Variants in AUTS2 observed in about 807,000 individuals in gnomAD.
The protein encoded by AUTS2 is activator of transcription and developmental regulator AUTS2, also known as autism susceptibility gene 2 protein.
In AUTS2, 17 loss-of-function variants were observed where a neutral mutation model predicts 112.4. The observed-to-expected ratio is 0.15, with a 90% confidence interval of 0.10 to 0.23. The LOEUF (loss-of-function observed/expected upper bound fraction) is 0.23. AUTS2 is among the 10% of genes least tolerant of loss of function. The pLI is 1.00. For missense variants in AUTS2, 1,510 were observed against 1,701.6 expected (o/e 0.89, Z 1.98); for synonymous variants, 751 against 702.7 (o/e 1.07, Z -1.09).
At chr7:69,644,120 C>T (rs1342001560) in intron 1 of AUTS2, among the ~76,000 whole-genome samples, 1 of 152,278 alleles carries the variant, frequency 6.6e-6, no homozygotes, top group East Asian at 1.9e-4. Context: ...GTTTAAGTCA[C>T]CCAGTCTTTG....
chr7:70,229,970 T>C (rs1811959035), intron 4 of AUTS2, among the ~76,000 whole-genome samples: 2 of 152,338 alleles, frequency 1.3e-5, no homozygotes, highest in East Asian at 3.9e-4. Context: ...GACATCATGC[T>C]TCCCATTAAA....
chr7:70,382,652 A>G (rs1021167835), intron 4 of AUTS2, among the ~76,000 whole-genome samples: 10 of 152,020 alleles, frequency 6.6e-5, no homozygotes, highest in Admixed American at 3.9e-4. Flanking sequence ...TTGTGTTTCT[A>G]TCTGGACTCA....
intron 4 of AUTS2, among the ~76,000 whole-genome samples, chr7:70,340,641 A>C (rs1791222217): frequency 6.6e-6 from 1 of 152,238 alleles, no homozygotes; most frequent in Admixed American, 6.5e-5. Context: ...CTCAGGAGTT[A>C]AGGTCAGCAT....
chr7:69,889,510 G>A (rs1329776327), intron 1 of AUTS2, among the ~76,000 whole-genome samples: 4 of 152,024 alleles, frequency 2.6e-5, no homozygotes, highest in Non-Finnish European at 4.4e-5. Flanking sequence ...GATAATACCC[G>A]TCCTAACAGG....
At chr7:69,632,837 G>A (rs1291145868) in intron 1 of AUTS2, among the ~76,000 whole-genome samples, 2 of 151,986 alleles carry the variant, frequency 1.3e-5, no homozygotes, top group African/African-American at 4.8e-5. Context: ...GTTTTTATTA[G>A]TTATTGCTTT....
chr7:70,110,060 C>T (rs1260049864), intron 2 of AUTS2, among the ~76,000 whole-genome samples: 2 of 152,082 alleles, frequency 1.3e-5, no homozygotes, highest in African/African-American at 4.8e-5. Flanking sequence ...GTTAACAATT[C>T]TCTTGATAAG....
At chr7:69,827,543 C>T (rs1791305926) in intron 1 of AUTS2, among the ~76,000 whole-genome samples, 1 of 152,104 alleles carries the variant, frequency 6.6e-6, no homozygotes. Flanking sequence ...TTTAGAACAC[C>T]ACATGAAGCT....
chr7:70,303,399 C>T (rs1260701408), intron 4 of AUTS2, among the ~76,000 whole-genome samples: 1 of 151,824 alleles, frequency 6.6e-6, no homozygotes, highest in African/African-American at 2.4e-5. Context: ...AATACACATG[C>T]ACATGTGTGC....
chr7:69,791,344 G>T (rs1224198406), intron 1 of AUTS2, among the ~76,000 whole-genome samples: 9 of 152,160 alleles, frequency 5.9e-5, no homozygotes, highest in Admixed American at 5.9e-4. Flanking sequence ...CTGCTATTGT[G>T]TCCAGAGGTT....
intron 4 of AUTS2, among the ~76,000 whole-genome samples, chr7:70,426,648 G>A (rs771703049): frequency 3.3e-5 from 5 of 152,112 alleles, no homozygotes; most frequent in African/African-American, 1.2e-4. Flanking sequence ...TCTGCTTGCC[G>A]TCTGCAATGA....
intron 8 of AUTS2, among the ~76,000 whole-genome samples, chr7:70,765,516 T>A (rs1176948198): frequency 6.6e-6 from 1 of 152,104 alleles, no homozygotes; most frequent in African/African-American, 2.4e-5. Context: ...AGACACAGGG[T>A]CCTTGTCTCC....
At chr7:69,707,001 T>C (rs374149930) in intron 1 of AUTS2, among the ~76,000 whole-genome samples, 9 of 152,208 alleles carry the variant, frequency 5.9e-5, no homozygotes, top group African/African-American at 1.7e-4. Flanking sequence ...CTTTGCAACC[T>C]CTGATGCTTC....
In AUTS2 at chr7:69,623,958, T is replaced by A. The variant is rs1793809562; in HGVS notation, c.309+23996T>A. Among the ~76,000 whole-genome samples, 2 of 152,218 alleles carry A rather than the reference T, an allele frequency of 1.3e-5. 1 individual carries two copies. The highest frequency in any genetic ancestry group is 2.9e-5 in the Non-Finnish European group (2 of 68,038). On this transcript the variant is annotated intron_variant, in intron 1 of 18. Coordinates refer to ENST00000342771, the MANE Select transcript of AUTS2 (RefSeq NM_015570.4). ...AATTAGAGATATAAGTAAAGGTTGATGAAACAATATAATAAGGTGTAAGTG... is the reference window on the plus strand; with the variant it reads ...AATTAGAGATATAAGTAAAGGTTGAAGAAACAATATAATAAGGTGTAAGTG...
chr7:70,379,347 C>T (rs900329157), intron 4 of AUTS2, among the ~76,000 whole-genome samples: 1 of 151,776 alleles, frequency 6.6e-6, no homozygotes, highest in South Asian at 2.1e-4. Context: ...TTAAAAGACA[C>T]AAAAATTAGC....
At chr7:70,621,467 C>A (rs1323658666) in intron 5 of AUTS2, among the ~76,000 whole-genome samples, 1 of 152,214 alleles carries the variant, frequency 6.6e-6, no homozygotes, top group South Asian at 2.1e-4. Flanking sequence ...TTTCCAGCAA[C>A]TTTCGCCTCA....
In AUTS2 at chr7:70,099,968, A is replaced by C. The variant is rs544284331; in HGVS notation, c.523-18164A>C. Among the ~76,000 whole-genome samples, 3 of 152,312 alleles carry C rather than the reference A, an allele frequency of 2.0e-5. No individual in the cohort carries two copies. The East Asian group carries it at 5.8e-4, about 29-fold the overall frequency. ...TAGAAAAGCATATTGTTGGCAAGTA[A>C]AGCATCACAAAATTAAGGGTAGAGA... is the stretch of plus-strand genomic sequence containing the variant. On this transcript the variant is annotated intron_variant, in intron 2 of 18. Transcript: ENST00000342771.
intron 4 of AUTS2, among the ~76,000 whole-genome samples, chr7:70,354,974 GTA>G (rs1791927222): frequency 1.3e-5 from 2 of 151,322 alleles, no homozygotes; most frequent in Non-Finnish European, 2.9e-5. Flanking sequence ...GTGTGTGTGT[GTA>G]TGTATGGGTG....
intron 1 of AUTS2, among the ~76,000 whole-genome samples, chr7:69,890,734 A>G (rs1413701328): frequency 6.6e-6 from 1 of 152,084 alleles, no homozygotes; most frequent in Non-Finnish European, 1.5e-5. Flanking sequence ...GTCACTGAAA[A>G]TGAGGTGAAG....
chr7:70,370,156 C>T (rs1792773901), intron 4 of AUTS2, among the ~76,000 whole-genome samples: 1 of 152,092 alleles, frequency 6.6e-6, no homozygotes, highest in African/African-American at 2.4e-5. Context: ...TTTTAAACAG[C>T]TTTATTGAGT....
Sources: gnomAD v4.1 joint callset for allele counts (sites outside exome capture counted in the v4.1 genomes callset) on GRCh38, gnomAD v4.1.1 for gene constraint, MANE v1.5 for transcripts, NCBI Gene and HGNC (gene_info 2026-07-23, HGNC 2026-07-21) for gene names.